The following KAZN variants were observed in gnomAD, a reference collection of about 807,000 sequenced individuals.
KAZN encodes kazrin.
KAZN carries 40 observed loss-of-function variants against 87.4 expected under a neutral mutation model. The ratio of observed to expected loss-of-function variants is 0.46; its 90% CI spans 0.36 to 0.60. The LOEUF (loss-of-function observed/expected upper bound fraction) is 0.60, where lower values mean the gene tolerates loss of function less well. Ranked by LOEUF, KAZN falls within the 20% of genes least tolerant of loss-of-function variation. The pLI is 0.00. For synonymous variants in KAZN, 466 were observed against 458.3 expected (o/e 1.02, Z -0.22); for missense variants, 898 against 1,073.9 (o/e 0.84, Z 2.29).
chr1:14,183,529 T>C (rs1178359966), intron 2 of KAZN, among the ~76,000 whole-genome samples: 1 of 152,166 alleles, frequency 6.6e-6, no homozygotes, highest in Admixed American at 6.5e-5. Context: ...CTTTGATTCC[T>C]GAGAGCCCTG....
intron 2 of KAZN, among the ~76,000 whole-genome samples, chr1:14,486,707 T>A (rs1489876813): frequency 6.6e-6 from 1 of 152,054 alleles, no homozygotes; most frequent in Non-Finnish European, 1.5e-5. Context: ...GTAATAAGAG[T>A]TGACACCATG....
chr1:14,949,639 G>C lies in KAZN; in HGVS notation c.227-11045G>C, dbSNP rs969579013. Among the ~76,000 whole-genome samples the C allele has an allele frequency of 6.6e-6, 1 of 152,068 alleles. No homozygotes were observed. The highest frequency in any genetic ancestry group is 1.5e-5 in the Non-Finnish European group (1 of 68,010). The stretch of plus-strand genomic sequence containing the variant: ...CCATGAAGGTGTTACCCAAACCTCC[G>C]GCAGACCCCAGGGGGCTGCGTCCTG... On this transcript the variant is annotated intron_variant, in intron 1 of 14. Coordinates refer to ENST00000376030, the MANE Select transcript of KAZN (RefSeq NM_201628.3). The surrounding 1 kb of genome is among the most constrained non-coding windows in gnomAD (Gnocchi z 4.3).
chr1:14,333,531 C>T (rs1229509286), intron 2 of KAZN, among the ~76,000 whole-genome samples: 1 of 152,230 alleles, frequency 6.6e-6, no homozygotes, highest in Non-Finnish European at 1.5e-5. Flanking sequence ...ATTTGCCACA[C>T]TATTCTAGGT....
At chr1:14,692,408 C>T (rs978751279) in intron 1 of KAZN, 29 of 283,222 alleles carry the variant, frequency 1.0e-4, no homozygotes, top group African/African-American at 6.0e-4. Context: ...ACCTGCAAAC[C>T]TCTGATGGCT....
intron 1 of KAZN, among the ~76,000 whole-genome samples, chr1:14,899,049 A>G (rs1013372391): frequency 4.6e-5 from 7 of 152,206 alleles, no homozygotes; most frequent in African/African-American, 1.7e-4. Flanking sequence ...CTAGATCACT[A>G]TGTCATTCAG....
intron 2 of KAZN, among the ~76,000 whole-genome samples, chr1:14,475,816 T>C (rs886396897): frequency 6.6e-6 from 1 of 151,982 alleles, no homozygotes; most frequent in African/African-American, 2.4e-5. Flanking sequence ...ATGGGCATCT[T>C]TTTTACGCTA....
At chr1:14,160,646 A>G (rs1397506990) in intron 1 of KAZN, among the ~76,000 whole-genome samples, 1 of 152,178 alleles carries the variant, frequency 6.6e-6, no homozygotes, top group Admixed American at 6.5e-5. Flanking sequence ...TGGTGGGGCA[A>G]GAATCGGTGG....
intron 1 of KAZN, among the ~76,000 whole-genome samples, chr1:13,950,840 C>A (rs935744888): frequency 6.6e-6 from 1 of 152,170 alleles, no homozygotes; most frequent in Non-Finnish European, 1.5e-5. Flanking sequence ...CCACTGGCTG[C>A]CTCTTGGGGC....
intron 1 of KAZN, among the ~76,000 whole-genome samples, chr1:14,087,196 T>C (rs1216236927): frequency 6.6e-6 from 1 of 152,178 alleles, no homozygotes; most frequent in Non-Finnish European, 1.5e-5. Flanking sequence ...GTACAGGTCT[T>C]GCACTTAAAA....
intron 7 of KAZN, among the ~76,000 whole-genome samples, chr1:15,065,105 C>T (rs1432651991): frequency 1.5e-5 from 2 of 136,640 alleles, no homozygotes; most frequent in Non-Finnish European, 3.0e-5. Context: ...GATCCTGGCT[C>T]ACCACAACCT....
chr1:14,631,774 C>T (rs573338089), intron 1 of KAZN, among the ~76,000 whole-genome samples: 21 of 152,366 alleles, frequency 1.4e-4, no homozygotes, highest in African/African-American at 5.1e-4. Context: ...TAGCTGCTCC[C>T]CTCGTGTTGG....
intron 1 of KAZN, among the ~76,000 whole-genome samples, chr1:14,104,435 A>G (rs193122322): frequency 9.9e-5 from 15 of 152,276 alleles, no homozygotes; most frequent in Admixed American, 6.5e-4. Flanking sequence ...GTTTCCTGCC[A>G]TCTTGTTTAG....
At chr1:14,427,326 G>A (rs575243916) in intron 2 of KAZN, among the ~76,000 whole-genome samples, 1 of 152,166 alleles carries the variant, frequency 6.6e-6, no homozygotes, top group Non-Finnish European at 1.5e-5. Flanking sequence ...GTAAACTGGG[G>A]ATAATAATAG....
At chr1:15,003,658 G>T (rs1668723408) in intron 2 of KAZN, among the ~76,000 whole-genome samples, 1 of 152,192 alleles carries the variant, frequency 6.6e-6, no homozygotes, top group Non-Finnish European at 1.5e-5. Context: ...TCACGTTCTA[G>T]CATGAAAGGG....
chr1:14,236,646 A>G (rs1048232042), intron 2 of KAZN, among the ~76,000 whole-genome samples: 1 of 152,202 alleles, frequency 6.6e-6, no homozygotes, highest in Non-Finnish European at 1.5e-5. Context: ...GGCCAGGCAC[A>G]GTGGCGCATG....
intron 12 of KAZN, among the ~76,000 whole-genome samples, chr1:15,103,717 A>G (rs1208508176): frequency 2.0e-5 from 3 of 152,150 alleles, no homozygotes; most frequent in Non-Finnish European, 4.4e-5. Context: ...CCATGTCATG[A>G]TGCTTTGCTC....
chr1:14,389,048 A>G (rs1425810711), intron 2 of KAZN, among the ~76,000 whole-genome samples: 2 of 152,242 alleles, frequency 1.3e-5, no homozygotes, highest in South Asian at 2.1e-4. Context: ...AAAGATCTGA[A>G]TAGACATTTC....
intron 1 of KAZN, among the ~76,000 whole-genome samples, chr1:14,617,425 C>T (rs1049654980): frequency 2.0e-5 from 3 of 152,158 alleles, no homozygotes; most frequent in Non-Finnish European, 2.9e-5. Context: ...GAAGCCAGAA[C>T]ATGCTTTTGG....
At chr1:14,358,150 G>C (rs978887817) in intron 2 of KAZN, among the ~76,000 whole-genome samples, 25 of 152,128 alleles carry the variant, frequency 1.6e-4, no homozygotes, top group African/African-American at 6.0e-4. Flanking sequence ...AGTCTTGGGA[G>C]GGTGTATGTG....
Sources: gnomAD v4.1 joint callset for allele counts (sites outside exome capture counted in the v4.1 genomes callset) on GRCh38, gnomAD v4.1.1 for gene constraint, Gnocchi (gnomAD v3.1) non-coding constraint, MANE v1.5 for transcripts, NCBI Gene and HGNC (gene_info 2026-07-23, HGNC 2026-07-21) for gene names.